The following TMEM177 variants were observed in gnomAD, a reference collection of about 807,000 sequenced individuals.
The protein encoded by TMEM177 is transmembrane protein 177.
A neutral mutation model predicts 14.2 loss-of-function variants in TMEM177; 4 were observed. The ratio of observed to expected loss-of-function variants is 0.28; its 90% CI spans 0.14 to 0.64. TMEM177 has a LOEUF of 0.64. Among genes scored for constraint, TMEM177 ranks in the 30% least tolerant of loss-of-function variants. The pLI, the probability that TMEM177 is intolerant of heterozygous loss-of-function variation, is 0.82. For synonymous variants in TMEM177, 179 were observed against 174.5 expected, an observed-to-expected ratio of 1.03 and a Z score of -0.20; for missense variants, 344 against 405.2, an observed-to-expected ratio of 0.85 and a Z score of 1.30.
At chr2:119,686,227 G>A (rs1437896027), downstream of TMEM177, 1 of 152,594 alleles carries the variant, frequency 6.6e-6, no homozygotes, top group African/African-American at 2.4e-5. Flanking sequence ...GTGAAAGAAA[G>A]TTTGCAAAAT....
chr2:119,680,964 C>G lies in TMEM177; in HGVS notation c.111C>G (p.Phe37Leu), dbSNP rs1466826383. The G allele has an allele frequency of 6.2e-7, 1 of 1,614,100 alleles. No individual in the cohort carries two copies. The highest frequency in any genetic ancestry group is 1.3e-5 in the African/African-American group (1 of 74,940). ...LFGVPISYHL[F>L]PDPVVQWLYQ... ...GAGTTCCAATCTCGTACCACCTCTT[C>G]CCGGATCCCGTGGTCCAATGGCTCT... Residue 37 changes from phenylalanine to leucine, a missense_variant, in exon 2 of 2, where the codon TTC becomes TTG. Transcript: ENST00000272521.
At chr2:119,706,316 G>A in the TMEM177 span, among the ~76,000 whole-genome samples, 91 of 152,262 alleles carry the variant, frequency 6.0e-4, no homozygotes, top group African/African-American at 2.2e-3. Flanking sequence ...GTGAGCCACA[G>A]CGCCTGGCCG....
the TMEM177 span, among the ~76,000 whole-genome samples, chr2:119,706,019 A>T: frequency 0.19 from 25,462 of 135,938 alleles, 2,870 homozygotes; most frequent in African/African-American, 0.28. Flanking sequence ...TATTATATAT[A>T]TTTATATATA....
At chr2:119,694,682 G>C in the TMEM177 span, among the ~76,000 whole-genome samples, 1 of 152,256 alleles carries the variant, frequency 6.6e-6, no homozygotes, top group Non-Finnish European at 1.5e-5. Context: ...GAAAGCATTT[G>C]AGAGCCAAGG....
chr2:119,701,983 G>C, the TMEM177 span, among the ~76,000 whole-genome samples: 1 of 152,186 alleles, frequency 6.6e-6, no homozygotes, highest in African/African-American at 2.4e-5. Flanking sequence ...TCTCAAGCAC[G>C]GATCTTAGGT....
At chr2:119,704,224 C>G in the TMEM177 span, among the ~76,000 whole-genome samples, 1 of 152,140 alleles carries the variant, frequency 6.6e-6, no homozygotes, top group Non-Finnish European at 1.5e-5. Context: ...AGAAGGTACT[C>G]TAGACATTTA....
chr2:119,717,022 C>CT, the TMEM177 span, among the ~76,000 whole-genome samples: 1 of 152,080 alleles, frequency 6.6e-6, no homozygotes, highest in Admixed American at 6.5e-5. Flanking sequence ...TTTTTCTCTT[C>CT]TTTTTTCCGT....
chr2:119,691,695 C>A, the TMEM177 span, among the ~76,000 whole-genome samples: 1 of 152,272 alleles, frequency 6.6e-6, no homozygotes, highest in East Asian at 1.9e-4. Flanking sequence ...GGGAGTGTGG[C>A]GTGTGGGGAG....
chr2:119,717,337 A>C, the TMEM177 span, among the ~76,000 whole-genome samples: 3 of 151,958 alleles, frequency 2.0e-5, no homozygotes, highest in Non-Finnish European at 2.9e-5. Context: ...CTGGAAAAAA[A>C]AAAAAGAAAA....
At chr2:119,690,663 C>G (rs945534111), downstream of TMEM177, among the ~76,000 whole-genome samples, 2 of 152,194 alleles carry the variant, frequency 1.3e-5, no homozygotes, top group African/African-American at 4.8e-5. Flanking sequence ...TGTCACTGCT[C>G]TATCATCACA....
chr2:119,721,252 A>G, the TMEM177 span, among the ~76,000 whole-genome samples: 3 of 152,182 alleles, frequency 2.0e-5, no homozygotes, highest in Admixed American at 2.0e-4. Flanking sequence ...CCACATGGCC[A>G]ATGTTCAGTC....
chr2:119,700,581 G>T, the TMEM177 span, among the ~76,000 whole-genome samples: 6 of 152,126 alleles, frequency 3.9e-5, no homozygotes, highest in Non-Finnish European at 8.8e-5. Flanking sequence ...AAAGGTTAAG[G>T]GTTAAGAACT....
chr2:119,681,214 C>T lies in TMEM177; in HGVS notation c.361C>T (p.Pro121Ser). 1 of 1,614,272 alleles carries T rather than the reference C, an allele frequency of 6.2e-7. No individual in the cohort carries two copies. Among genetic ancestry groups the T allele is most frequent in the Non-Finnish European group, 8.5e-7 (1 of 1,180,046 alleles). ...AGACCTAGTGATCAACACTAACCAT[C>T]CCGTGGTCATACATGGGCATACAGT... ...LGDLVINTNHPVVIHGHTVDW... is the reference protein window; with the variant it reads ...LGDLVINTNHSVVIHGHTVDW... The change falls in exon 2 of 2, where the codon CCC (proline) becomes TCC (serine). Residue 121 changes from proline (P) to serine (S), a missense_variant. Transcript: ENST00000272521.
At position 119,681,498 on chromosome 2, in the gene TMEM177, C is replaced by G. The variant is rs1688901079; in HGVS notation, c.645C>G (p.Ala215=). Residue 215 remains alanine (A), a synonymous_variant, in exon 2 of 2, where the codon GCC becomes GCG. Transcript: ENST00000272521. Reference sequence around the variant, plus strand: ...TGGCAGCAGTGGCAGGCTTTGTGGCCTACGCCTTCTCCCAGGATTCTCTCA... The same window carrying G: ...TGGCAGCAGTGGCAGGCTTTGTGGCGTACGCCTTCTCCCAGGATTCTCTCA... ...SLVAAVAGFV[A]YAFSQDSLTH... 12 of 1,613,738 alleles carry G rather than the reference C, an allele frequency of 7.4e-6. No individual in the cohort carries two copies. In the East Asian group the frequency reaches 2.7e-4, roughly 36 times the overall value.
Position 119,681,735 on chromosome 2 carries a change from C to T in TMEM177, c.882C>T (p.Arg294=). 3 of 1,614,152 alleles carry T rather than the reference C, an allele frequency of 1.9e-6. No homozygotes were observed. Among genetic ancestry groups the T allele is most frequent in the Non-Finnish European group, 2.5e-6 (3 of 1,180,030 alleles). The change falls in exon 2 of 2, where the codon CGC becomes CGT. Residue 294 remains arginine (R), a synonymous_variant. Transcript: ENST00000272521. ...FRIKHLPYTT[R]RDSVLQMWRG... is the part of the protein sequence containing the mutation. ...TCAAACATTTACCCTACACCACCCG[C>T]CGGGACTCTGTGCTGCAGATGTGGA... is the stretch of plus-strand genomic sequence containing the variant.
rs1256101814 is a variant in TMEM177, at chr2:119,680,061, ATC to A, written c.-22-769_-22-768del. On this transcript the variant is annotated intron_variant, in intron 1 of 1. Coordinates refer to ENST00000272521, the MANE Select transcript of TMEM177 (RefSeq NM_030577.3). ...AGCCTTTTCCCTGGATCCTCACATG[ATC>A]TTCCTGCTGTGCCTGTTTGCATCCT... 2.0e-5 allele frequency among the ~76,000 whole-genome samples: 3 copies of A among 152,048 alleles called. No homozygotes were observed. In the East Asian group the frequency reaches 5.8e-4, roughly 29 times the overall value.
chr2:119,680,770 A>G lies in TMEM177; in HGVS notation c.-22-62A>G, dbSNP rs1003748071. 20 of 1,344,632 alleles carry G rather than the reference A, an allele frequency of 1.5e-5. No individual in the cohort carries two copies. In the African/African-American group the frequency reaches 2.6e-4, roughly 17 times the overall value. 83.3% of individuals were successfully genotyped at this position (1,344,632 alleles called of 1,614,324 possible). ...TTTAAAAAGGTGGTGTGGACCCTGGAGGATGTTCAGTCTGCAGGCTGACCC... is the reference window on the plus strand; with the variant it reads ...TTTAAAAAGGTGGTGTGGACCCTGGGGGATGTTCAGTCTGCAGGCTGACCC... On this transcript the variant is annotated intron_variant, in intron 1 of 1. Transcript: ENST00000272521.
In TMEM177 at chr2:119,680,994, G is replaced by A; in HGVS notation, c.141G>A (p.Gln47=). The part of the protein sequence containing the change: ...FPDPVVQWLY[Q]YWPQGQPAPL... The stretch of plus-strand genomic sequence containing the variant: ...ATCCCGTGGTCCAATGGCTCTACCA[G>A]TACTGGCCTCAGGGCCAGCCAGCTC... Residue 47 remains glutamine, a synonymous_variant, in exon 2 of 2, where the codon CAG becomes CAA. Coordinates refer to ENST00000272521, the MANE Select transcript of TMEM177 (RefSeq NM_030577.3). 1 of 1,614,212 alleles carries A rather than the reference G, an allele frequency of 6.2e-7. No individual in the cohort carries two copies. The highest frequency in any genetic ancestry group is 8.5e-7 in the Non-Finnish European group (1 of 1,180,044).
At chr2:119,699,192 G>T in the TMEM177 span, 2 of 154,136 alleles carry the variant, frequency 1.3e-5, no homozygotes, top group South Asian at 3.6e-4. Flanking sequence ...AGTTCAGCAT[G>T]GCTGGGGAAG....
Sources: gnomAD v4.1 joint callset for allele counts (sites outside exome capture counted in the v4.1 genomes callset) on GRCh38, gnomAD v4.1.1 for gene constraint, MANE v1.5 for transcripts, NCBI Gene and HGNC (gene_info 2026-07-23, HGNC 2026-07-21) for gene names.